Variants in GRM7 observed in about 807,000 individuals in gnomAD.
GRM7 encodes metabotropic glutamate receptor 7.
A neutral mutation model predicts 84.5 loss-of-function variants in GRM7; 35 were observed. The observed-to-expected ratio is 0.41, with a 90% CI of 0.32 to 0.55. GRM7 has a LOEUF of 0.55. Ranked by LOEUF, GRM7 falls within the 20% of genes least tolerant of loss-of-function variation. The pLI is 0.19. For synonymous variants in GRM7, 487 were observed against 455.1 expected (o/e 1.07, Z -0.89); for missense variants, 1,003 against 1,194.6 (o/e 0.84, Z 2.36).
chr3:7,666,687 G>T (rs1280523070), intron 8 of GRM7, among the ~76,000 whole-genome samples: 1 of 152,184 alleles, frequency 6.6e-6, no homozygotes, highest in African/African-American at 2.4e-5. Flanking sequence ...ATCTGAGACA[G>T]GTGAGGGCAT....
intron 6 of GRM7, among the ~76,000 whole-genome samples, chr3:7,454,098 T>TCTCTCC (rs1697903281): frequency 6.8e-6 from 1 of 146,196 alleles, no homozygotes; most frequent in South Asian, 2.2e-4. Context: ...ACACTCTCTC[T>TCTCTCC]CTCTCTCTCT....
At chr3:7,094,938 T>G (rs774901801) in intron 1 of GRM7, among the ~76,000 whole-genome samples, 4 of 151,964 alleles carry the variant, frequency 2.6e-5, no homozygotes, top group Non-Finnish European at 5.9e-5. Flanking sequence ...TAATACTTGA[T>G]GAAAAATATA....
chr3:7,286,909 G>A (rs1042481073), intron 2 of GRM7, among the ~76,000 whole-genome samples: 48 of 152,140 alleles, frequency 3.2e-4, no homozygotes, highest in African/African-American at 1.1e-3. Context: ...TGCAAATCCT[G>A]TGGCAAAAAT....
chr3:6,999,150 C>G (rs578062951), intron 1 of GRM7, among the ~76,000 whole-genome samples: 1 of 152,188 alleles, frequency 6.6e-6, no homozygotes, highest in Non-Finnish European at 1.5e-5. Context: ...CCTAAATCAT[C>G]TCTCTCAAGT....
chr3:7,657,879 ACCAGG>A (rs1339446659), intron 8 of GRM7, among the ~76,000 whole-genome samples: 1 of 152,130 alleles, frequency 6.6e-6, no homozygotes, highest in Non-Finnish European at 1.5e-5. Context: ...CAATATACTG[ACCAGG>A]CTGGCAGCTA....
chr3:7,624,250 G>A (rs1697501255), intron 8 of GRM7, among the ~76,000 whole-genome samples: 1 of 152,030 alleles, frequency 6.6e-6, no homozygotes, highest in Non-Finnish European at 1.5e-5. Flanking sequence ...AGAATGGGGT[G>A]GTTACAGTTT....
chr3:7,065,765 G>T (rs190857213), intron 1 of GRM7, among the ~76,000 whole-genome samples: 2 of 151,682 alleles, frequency 1.3e-5, no homozygotes, highest in Non-Finnish European at 2.9e-5. Context: ...CATTGAATTT[G>T]TAGATCACTT....
chr3:7,126,157 G>A (rs763910272), intron 1 of GRM7, among the ~76,000 whole-genome samples: 3 of 152,206 alleles, frequency 2.0e-5, no homozygotes, highest in Non-Finnish European at 4.4e-5. Context: ...GGCTATTTGG[G>A]AAGGTTATTC....
At chr3:7,190,560 G>C (rs930546221) in intron 2 of GRM7, among the ~76,000 whole-genome samples, 12 of 152,088 alleles carry the variant, frequency 7.9e-5, no homozygotes, top group Middle Eastern at 6.8e-3. Context: ...GCTTTATTCT[G>C]TCAAGTTGTT....
chr3:7,636,202 T>G, intron 8 of GRM7: 1 of 456,716 alleles, frequency 2.2e-6, no homozygotes, highest in South Asian at 1.5e-5. Flanking sequence ...CTTCAAGATT[T>G]AACTTGAGCC....
intron 8 of GRM7, among the ~76,000 whole-genome samples, chr3:7,584,480 T>C (rs1391576930): frequency 1.3e-5 from 2 of 152,214 alleles, no homozygotes; most frequent in South Asian, 2.1e-4. Flanking sequence ...GGCAAAGATA[T>C]GGCAAAAAGC....
At chr3:7,143,556 C>A (rs911153260) in intron 1 of GRM7, among the ~76,000 whole-genome samples, 1 of 152,050 alleles carries the variant, frequency 6.6e-6, no homozygotes, top group African/African-American at 2.4e-5. Context: ...CAGATAGTAA[C>A]CATTTTCAAA....
At chr3:6,921,262 A>G (rs942744591) in intron 1 of GRM7, among the ~76,000 whole-genome samples, 1 of 152,196 alleles carries the variant, frequency 6.6e-6, no homozygotes. Flanking sequence ...AGCAGCTGCA[A>G]GAGGAGAGAT....
At chr3:6,880,817 T>C (rs150160308) in intron 1 of GRM7, among the ~76,000 whole-genome samples, 1 of 152,238 alleles carries the variant, frequency 6.6e-6, no homozygotes, top group African/African-American at 2.4e-5. Context: ...CTCCAGAAGC[T>C]TGGAGAACTT....
At chr3:7,725,571 C>G (rs1420062431) in intron 9 of GRM7, among the ~76,000 whole-genome samples, 1 of 152,178 alleles carries the variant, frequency 6.6e-6, no homozygotes, top group African/African-American at 2.4e-5. Flanking sequence ...CATTATCCTT[C>G]TGACCCAGGG....
chr3:7,053,766 A>G (rs1175431763), intron 1 of GRM7, among the ~76,000 whole-genome samples: 2 of 151,228 alleles, frequency 1.3e-5, no homozygotes, highest in African/African-American at 2.4e-5. Context: ...TGATTACTAC[A>G]TCTTTAAGTT....
chr3:6,888,060 C>T (rs1424413156), intron 1 of GRM7, among the ~76,000 whole-genome samples: 1 of 152,054 alleles, frequency 6.6e-6, no homozygotes, highest in African/African-American at 2.4e-5. Context: ...TGTCCCTTGC[C>T]CACTTTTGGA....
chr3:7,659,897 G>T (rs899480825), intron 8 of GRM7, among the ~76,000 whole-genome samples: 2 of 152,146 alleles, frequency 1.3e-5, no homozygotes, highest in Non-Finnish European at 2.9e-5. Context: ...TGGTACTAGG[G>T]CTAGGCAAAC....
At chr3:7,068,187 T>C (rs1305054950) in intron 1 of GRM7, among the ~76,000 whole-genome samples, 1 of 151,988 alleles carries the variant, frequency 6.6e-6, no homozygotes, top group Non-Finnish European at 1.5e-5. Flanking sequence ...ACTGATAGAA[T>C]AAATGTAACA....
Sources: gnomAD v4.1 joint callset for allele counts (sites outside exome capture counted in the v4.1 genomes callset) on GRCh38, gnomAD v4.1.1 for gene constraint, MANE v1.5 for transcripts, NCBI Gene and HGNC (gene_info 2026-07-23, HGNC 2026-07-21) for gene names.